The following DPP6 variants were observed in gnomAD, a reference collection of about 807,000 sequenced individuals.
DPP6 encodes dipeptidyl peptidase like 6, also known as A-type potassium channel modulatory protein DPP6.
In DPP6, 69 loss-of-function variants were observed where a neutral mutation model predicts 122.6. The observed-to-expected ratio is 0.56, with a 90% CI of 0.46 to 0.69. The LOEUF is 0.69. Among genes scored for constraint, DPP6 ranks in the 30% least tolerant of loss-of-function variants. DPP6 has a pLI of 0.00. For missense variants in DPP6, 928 were observed against 1,116.9 expected, an observed-to-expected ratio of 0.83 and a Z score of 2.41; for synonymous variants, 418 against 433.1, an observed-to-expected ratio of 0.97 and a Z score of 0.43.
chr7:154,589,537 T>G (rs954449432), intron 5 of DPP6, among the ~76,000 whole-genome samples: 2 of 152,252 alleles, frequency 1.3e-5, no homozygotes, highest in Non-Finnish European at 2.9e-5. Flanking sequence ...GTGACGGAAA[T>G]GGTCTACAGT....
At chr7:154,752,532 G>A (rs192003187) in intron 8 of DPP6, among the ~76,000 whole-genome samples, 202 of 152,290 alleles carry the variant, frequency 1.3e-3, no homozygotes, top group African/African-American at 3.6e-3. Flanking sequence ...CTGGAAGAAC[G>A]TAAGTGTACA....
At position 154,749,390 on chromosome 7, in the gene DPP6, G is replaced by A. The variant is rs1174739015; in HGVS notation, c.884-20027G>A. On this transcript the variant is annotated intron_variant, in intron 8 of 25. Coordinates refer to ENST00000377770, the MANE Select transcript of DPP6 (RefSeq NM_130797.4). ...GTGAGAGCATAGGACGAGAGAGAGA[G>A]GGATGGAGGCTTTACTGAGAGAGGG... Among the ~76,000 whole-genome samples the A allele has an allele frequency of 2.1e-5, 3 of 141,942 alleles. No homozygotes were observed. The East Asian group carries it at 6.5e-4, about 31-fold the overall frequency. The allele number at this position is 141,942 out of a possible 152,430, so 93.1% of individuals were successfully genotyped here.
At position 154,014,266 on chromosome 7, in the gene DPP6, C is replaced by T. The variant is rs377292821; in HGVS notation, c.51+126532C>T. Among the ~76,000 whole-genome samples, 110 of 145,158 alleles carry T rather than the reference C, an allele frequency of 7.6e-4. 1 individual carries two copies. Among genetic ancestry groups the T allele is most frequent in the South Asian group, 4.2e-3 (18 of 4,264 alleles). ...TCTCTCTCCAGTAAATGCCTCCCCA[C>T]CTCCACCCCCATTTATAGAAACTTT... On this transcript the variant is annotated intron_variant, in intron 1 of 25. Transcript: ENST00000404039.
chr7:154,112,019 G>C (rs543665161), intron 1 of DPP6, among the ~76,000 whole-genome samples: 1 of 152,244 alleles, frequency 6.6e-6, no homozygotes, highest in African/African-American at 2.4e-5. Flanking sequence ...TTTCCAATTT[G>C]CCCTCCTTTA....
intron 1 of DPP6, among the ~76,000 whole-genome samples, chr7:154,373,595 C>CAT (rs1284938945): frequency 6.6e-6 from 1 of 152,202 alleles, no homozygotes; most frequent in African/African-American, 2.4e-5. Flanking sequence ...TTTATTTCTG[C>CAT]ATGCGCTCAT....
chr7:154,828,145 C>T (rs1026005971), intron 16 of DPP6, among the ~76,000 whole-genome samples: 1 of 152,078 alleles, frequency 6.6e-6, no homozygotes, highest in Non-Finnish European at 1.5e-5. Context: ...CTGAATGTAA[C>T]GGTAATGCTG....
intron 3 of DPP6, among the ~76,000 whole-genome samples, chr7:154,516,383 G>A (rs1184458922): frequency 1.3e-5 from 2 of 152,178 alleles, no homozygotes; most frequent in African/African-American, 2.4e-5. Flanking sequence ...GGAAGGCGCT[G>A]AGGAACCGTG....
At chr7:154,591,145 G>T (rs949789856) in intron 5 of DPP6, among the ~76,000 whole-genome samples, 2 of 152,242 alleles carry the variant, frequency 1.3e-5, no homozygotes, top group Non-Finnish European at 2.9e-5. Flanking sequence ...GGCCACAAGG[G>T]CCACTGGAGA....
intron 16 of DPP6, among the ~76,000 whole-genome samples, chr7:154,839,578 C>T (rs1047286404): frequency 1.3e-5 from 2 of 152,132 alleles, no homozygotes; most frequent in Non-Finnish European, 2.9e-5. Context: ...ACATGATCAG[C>T]GGGGCGGGAT....
At chr7:154,873,478 C>A (rs1312381273) in intron 19 of DPP6, among the ~76,000 whole-genome samples, 1 of 152,160 alleles carries the variant, frequency 6.6e-6, no homozygotes, top group Non-Finnish European at 1.5e-5. Flanking sequence ...GAGGCCTATG[C>A]TGGGCTGTGT....
At chr7:154,378,899 T>C (rs1031092031) in intron 1 of DPP6, among the ~76,000 whole-genome samples, 1 of 152,162 alleles carries the variant, frequency 6.6e-6, no homozygotes, top group Admixed American at 6.5e-5. Flanking sequence ...CCATCAGATC[T>C]TGTGAAAACT....
chr7:153,982,422 G>A (rs1792738845), intron 1 of DPP6, among the ~76,000 whole-genome samples: 1 of 151,804 alleles, frequency 6.6e-6, no homozygotes, highest in South Asian at 2.1e-4. Context: ...CTCTAAACTG[G>A]TTATTCTAGT....
intron 1 of DPP6, among the ~76,000 whole-genome samples, chr7:153,958,202 A>G (rs2129026575): frequency 6.6e-6 from 1 of 152,198 alleles, no homozygotes; most frequent in African/African-American, 2.4e-5. Flanking sequence ...ACCACAAAAT[A>G]GACAATGGCT....
At chr7:154,357,693 A>G (rs913315161) in intron 1 of DPP6, among the ~76,000 whole-genome samples, 1 of 149,810 alleles carries the variant, frequency 6.7e-6, no homozygotes, top group African/African-American at 2.4e-5. Context: ...CTGTAATCCA[A>G]CACTTTGGGA....
At chr7:154,747,260 G>A (rs957163861) in intron 8 of DPP6, among the ~76,000 whole-genome samples, 2 of 152,192 alleles carry the variant, frequency 1.3e-5, no homozygotes, top group African/African-American at 4.8e-5. Context: ...TTCCAATGCT[G>A]TCTGCCTTGT....
intron 2 of DPP6, among the ~76,000 whole-genome samples, chr7:154,471,545 G>C (rs60751391): frequency 4.0e-5 from 6 of 151,438 alleles, no homozygotes; most frequent in Non-Finnish European, 8.8e-5. Context: ...TGGGGGAAAG[G>C]GCTCCAGCCT....
intron 19 of DPP6, among the ~76,000 whole-genome samples, chr7:154,873,802 CCACA>C (rs144717280): frequency 2.2e-4 from 29 of 132,418 alleles, no homozygotes; most frequent in Middle Eastern, 4.2e-3. Flanking sequence ...ACACATGCAT[CCACA>C]CACACACATG....
intron 1 of DPP6, chr7:154,094,866 CCCTT>C (rs1245110043): frequency 6.6e-6 from 1 of 152,288 alleles, no homozygotes; most frequent in African/African-American, 2.4e-5. Flanking sequence ...TTCCAAAGGT[CCCTT>C]CCTGCCTCAC....
chr7:153,881,823 T>G, the DPP6 span, among the ~76,000 whole-genome samples: 1 of 152,196 alleles, frequency 6.6e-6, no homozygotes, highest in African/African-American at 2.4e-5. Flanking sequence ...TTTGTATTGC[T>G]CCTATAAAAT....
Sources: gnomAD v4.1 joint callset for allele counts (sites outside exome capture counted in the v4.1 genomes callset) on GRCh38, gnomAD v4.1.1 for gene constraint, MANE v1.5 for transcripts, NCBI Gene and HGNC (gene_info 2026-07-23, HGNC 2026-07-21) for gene names.